Variants in METTL1 observed in about 807,000 individuals in gnomAD.
METTL1 encodes tRNA (guanine-N(7)-)-methyltransferase.
Under a neutral mutation model 27.7 loss-of-function variants are expected in METTL1, and 14 were observed. That is an observed-to-expected ratio of 0.51 (90% CI 0.33 to 0.79). METTL1 has a LOEUF of 0.79. Among genes scored for constraint, METTL1 ranks in the 30% least tolerant of loss-of-function variants. The probability of loss-of-function intolerance (pLI) is 0.02; values close to 1 mark genes in which losing one functional copy is unlikely to be tolerated. For missense variants in METTL1, 333 were observed against 359.6 expected (o/e 0.93, Z 0.60); for synonymous variants, 138 against 137.0 (o/e 1.01, Z -0.05).
intron 1 of METTL1, chr12:57,771,522 G>A (rs1046502272): frequency 1.3e-6 from 2 of 1,531,644 alleles, no homozygotes; most frequent in Non-Finnish European, 1.7e-6. Flanking sequence ...CCCTGGCCGG[G>A]TAACTGCCCT....
chr12:57,771,063 T>C (rs1955423342), intron 2 of METTL1, 31 bp downstream of exon 2: 1 of 1,606,034 alleles, frequency 6.2e-7, no homozygotes, highest in East Asian at 2.2e-5. Flanking sequence ...CTAGGCCTCT[T>C]CTCACCCCAA....
chr12:57,769,956 A>G lies in METTL1; in HGVS notation c.275T>C (p.Val92Ala), dbSNP rs1173441959. The G allele has an allele frequency of 6.2e-7, 1 of 1,601,252 alleles. No individual in the cohort carries two copies. The highest frequency in any genetic ancestry group is 8.5e-7 in the Non-Finnish European group (1 of 1,172,126). The stretch of plus-strand genomic sequence containing the variant: ...GTCTGGGAACAGCGGTGACAGTTCC[A>G]CTGCACACAGAAATAGCAATGGAAT... ...DIGCGYGGLL[V>A]ELSPLFPDTL... Residue 92 changes from valine to alanine, a missense_variant and splice_region_variant, in exon 3 of 6, where the codon GTG (valine) becomes GCG (alanine). Coordinates refer to ENST00000324871, the MANE Select transcript of METTL1 (RefSeq NM_005371.6).
Position 57,769,397 on chromosome 12 carries a change from A to G in METTL1, c.581T>C (p.Val194Ala). ...CTCCAGCACATCGGTTATGGTATAC[A>G]CCAGCCCCTGCATAGGCAAAATCAC... is the stretch of plus-strand genomic sequence containing the variant. Reference protein sequence around the residue: ...YAYVLRVGGLVYTITDVLELH... With the variant: ...YAYVLRVGGLAYTITDVLELH... The change falls in exon 5 of 6, where the codon GTG becomes GCG. Residue 194 changes from valine to alanine, a missense_variant. Coordinates refer to ENST00000324871, the MANE Select transcript of METTL1 (RefSeq NM_005371.6). The G allele has an allele frequency of 6.2e-7, 1 of 1,614,068 alleles. No individual in the cohort carries two copies. The highest frequency in any genetic ancestry group is 1.1e-5 in the South Asian group (1 of 91,074).
chr12:57,771,368 T>C, intron 1 of METTL1, 111 bp from the exon 2 acceptor site: 1 of 1,477,606 alleles, frequency 6.8e-7, no homozygotes, highest in Non-Finnish European at 9.0e-7. Flanking sequence ...GGAGGAGGGT[T>C]TCTCAAAAAT....
In METTL1 at chr12:57,769,696, AC is replaced by A; in HGVS notation, c.460-19del. The A allele has an allele frequency of 6.3e-7, 1 of 1,597,108 alleles. No individual in the cohort carries two copies. On this transcript the variant is annotated intron_variant, in intron 3 of 5. Coordinates refer to ENST00000324871, the MANE Select transcript of METTL1 (RefSeq NM_005371.6). The stretch of plus-strand genomic sequence containing the variant: ...TTTGTCAGCTGTGAGACAGACACAC[AC>A]CAACAGGGTTGTGAGAGCCTGGCCT...
At chr12:57,771,613 G>C (rs1204057520) in intron 1 of METTL1, 2 of 1,535,360 alleles carry the variant, frequency 1.3e-6, no homozygotes, top group Non-Finnish European at 1.7e-6. Flanking sequence ...GCTCTGCGGG[G>C]AGGGAAGGTA....
rs1955387048 is a variant in METTL1 at position 57,768,534 on chromosome 12, G to A, written c.*462C>T. The A allele has an allele frequency of 1.3e-5, 2 of 159,730 alleles. No homozygotes were observed. Among genetic ancestry groups the A allele is most frequent in the East Asian group, 1.8e-4 (1 of 5,560 alleles). 9.9% of individuals were successfully genotyped at this position (159,730 alleles called of 1,614,324 possible). On this transcript the variant is annotated 3_prime_UTR_variant, in exon 6 of 6. Coordinates refer to ENST00000324871, the MANE Select transcript of METTL1 (RefSeq NM_005371.6). ...GGAGAGGACAGGAGGATGGTAGAAG[G>A]CATATGATACATACTCCACCCTTTC...
chr12:57,769,175 A>G, intron 5 of METTL1, 24 bp from the exon 6 acceptor site: 18 of 1,601,012 alleles, frequency 1.1e-5, no homozygotes, highest in Non-Finnish European at 1.5e-5. Flanking sequence ...GGGTCCAATA[A>G]GTCCTTGCCC....
chr12:57,769,536 A>C (rs1192330548), intron 4 of METTL1, 29 bp downstream of exon 4: 2 of 1,562,336 alleles, frequency 1.3e-6, no homozygotes, highest in African/African-American at 1.4e-5. Flanking sequence ...TAGGCCACTC[A>C]CCCCATCATC....
chr12:57,768,579 G>C lies in METTL1; in HGVS notation c.*417C>G, dbSNP rs2140399883. The stretch of plus-strand genomic sequence containing the variant: ...CCTTTCCTGAGAAATGGCAGAATAG[G>C]CATGTGTACACATATACATGTTATC... On this transcript the variant is annotated 3_prime_UTR_variant, in exon 6 of 6. Coordinates refer to ENST00000324871, the MANE Select transcript of METTL1 (RefSeq NM_005371.6). The C allele has an allele frequency of 5.8e-6, 1 of 173,082 alleles. No individual in the cohort carries two copies. Among genetic ancestry groups the C allele is most frequent in the Admixed American group, 5.6e-5 (1 of 17,942 alleles). The allele number at this position is 173,082 out of a possible 1,614,324, so 10.7% of individuals were successfully genotyped here.
In METTL1 at chr12:57,769,138, A is replaced by G; in HGVS notation, c.689T>C (p.Val230Ala). The G allele has an allele frequency of 6.2e-7, 1 of 1,602,932 alleles. No individual in the cohort carries two copies. Among genetic ancestry groups the G allele is most frequent in the Non-Finnish European group, 8.5e-7 (1 of 1,170,434 alleles). The change falls in exon 6 of 6, where the codon GTT (valine) becomes GCT (alanine). Residue 230 changes from valine to alanine, a missense_variant. Val to Ala is a moderately conservative substitution (Grantham distance 64). Transcript: ENST00000324871. ...VPLEDLSEDP[V>A]VGHLGTSTEE... is the part of the protein sequence containing the mutation. ...AGTTGAGGTGCCTAGATGTCCCACAACGGGGTCTTCACTCTGGGAGAAGGA... is the reference window on the plus strand; with the variant it reads ...AGTTGAGGTGCCTAGATGTCCCACAGCGGGGTCTTCACTCTGGGAGAAGGA...
Position 57,768,474 on chromosome 12 carries a change from G to C in METTL1, c.*522C>G, listed in dbSNP as rs1955386198. 6.5e-6 allele frequency: 1 copy of C among 154,116 alleles called. No homozygotes were observed. The highest frequency in any genetic ancestry group is 2.4e-5 in the African/African-American group (1 of 41,434). The allele number at this position is 154,116 out of a possible 1,614,324, so 9.5% of individuals were successfully genotyped here. A position where few individuals can be genotyped will look rare whatever the true frequency, so the allele number is the denominator to read the frequency against. The stretch of plus-strand genomic sequence containing the variant: ...AAGGACTCTCCAGAGACAACACTTA[G>C]GGAACACAGATTCCCCAGGTCAAGT... On this transcript the variant is annotated 3_prime_UTR_variant, in exon 6 of 6. Coordinates refer to ENST00000324871, the MANE Select transcript of METTL1 (RefSeq NM_005371.6).
intron 1 of METTL1, chr12:57,771,705 T>C: frequency 6.8e-7 from 1 of 1,465,822 alleles, no homozygotes; most frequent in Non-Finnish European, 9.1e-7. Context: ...GAAACGACAT[T>C]CTGCCTCTAT....
chr12:57,771,363 A>G, intron 1 of METTL1, 106 bp from the exon 2 acceptor site: 1 of 1,486,920 alleles, frequency 6.7e-7, no homozygotes, highest in South Asian at 1.4e-5. Context: ...AAAAGGGAGG[A>G]GGGTTTCTCA....
chr12:57,769,638 T>G lies in METTL1; in HGVS notation c.500A>C (p.Lys167Thr). The change falls in exon 4 of 6, where the codon AAG becomes ACG. Residue 167 changes from lysine to threonine, a missense_variant. By Grantham distance (78) the Lys-to-Thr change is moderately conservative (BLOSUM62 -1). Transcript: ENST00000324871. ...MFFLFPDPHF[K>T]RTKHKWRIIS... ...GATTCGCCACTTGTGCTTTGTCCGCTTGAAATGTGGGTCGGGGAAGAGGAA... is the reference window on the plus strand; with the variant it reads ...GATTCGCCACTTGTGCTTTGTCCGCGTGAAATGTGGGTCGGGGAAGAGGAA... 1 of 1,558,890 alleles carries G rather than the reference T, an allele frequency of 6.4e-7. No individual in the cohort carries two copies. The highest frequency in any genetic ancestry group is 8.7e-7 in the Non-Finnish European group (1 of 1,149,066).
rs748957869 is a variant in METTL1 at position 57,769,866 on chromosome 12, G to A, written c.365C>T (p.Ala122Val). 1 of 1,614,162 alleles carries A rather than the reference G, an allele frequency of 6.2e-7. No homozygotes were observed. Among genetic ancestry groups the A allele is most frequent in the East Asian group, 2.2e-5 (1 of 44,882 alleles). Residue 122 changes from alanine (A) to valine (V), a missense_variant, in exon 3 of 6, where the codon GCC becomes GTC. Coordinates refer to ENST00000324871, the MANE Select transcript of METTL1 (RefSeq NM_005371.6). Reference protein sequence around the residue: ...VSDYVQDRIRALRAAPAGGFQ... With the variant: ...VSDYVQDRIRVLRAAPAGGFQ... ...GCCACCTGCAGGAGCTGCGCGTAGGGCCCGAATCCGGTCTTGTACATAGTC... is the reference window on the plus strand; with the variant it reads ...GCCACCTGCAGGAGCTGCGCGTAGGACCCGAATCCGGTCTTGTACATAGTC...
intron 1 of METTL1, chr12:57,771,610 G>T: frequency 6.5e-7 from 1 of 1,535,388 alleles, no homozygotes. Context: ...TGTGCTCTGC[G>T]GGGAGGGAAG....
At chr12:57,770,246 T>C (rs185230053) in intron 2 of METTL1, among the ~76,000 whole-genome samples, 42 of 152,314 alleles carry the variant, frequency 2.8e-4, no homozygotes, top group Non-Finnish European at 5.1e-4. Flanking sequence ...CACTCTGTGG[T>C]AAATTGTGAA....
In METTL1 at chr12:57,768,854, G is replaced by A. The variant is rs768371974; in HGVS notation, c.*142C>T. On this transcript the variant is annotated 3_prime_UTR_variant, in exon 6 of 6. Transcript: ENST00000324871. ...GCCAGGGGTAGTCATGAACACCAGT[G>A]GGTTCTGCCCTGGGCAGCTCCCCAC... 12 of 979,066 alleles carry A rather than the reference G, an allele frequency of 1.2e-5. No homozygotes were observed. The African/African-American group carries it at 1.9e-4, about 16-fold the overall frequency. 60.6% of individuals were successfully genotyped at this position (979,066 alleles called of 1,614,324 possible). A position where few individuals can be genotyped will look rare whatever the true frequency, so the allele number is the denominator to read the frequency against.
Sources: allele counts gnomAD v4.1 joint callset (sites outside exome capture counted in the v4.1 genomes callset), GRCh38; gene constraint gnomAD v4.1.1; transcripts MANE v1.5; gene names NCBI Gene and HGNC (gene_info 2026-07-23, HGNC 2026-07-21).